The following LRRC69 variants were observed in gnomAD, a reference collection of about 807,000 sequenced individuals.
LRRC69 encodes the protein leucine rich repeat containing 69.
In LRRC69, 42 loss-of-function variants were observed where a neutral mutation model predicts 37.8. The observed-to-expected ratio is 1.11, with a 90% CI of 0.87 to 1.44. The LOEUF is 1.44. LRRC69 is among the 40% of genes most tolerant of loss of function. The pLI is 0.00. For missense variants in LRRC69, 357 were observed against 401.9 expected (o/e 0.89, Z 0.96); for synonymous variants, 141 against 143.1 (o/e 0.99, Z 0.11).
At chr8:91,155,033 TA>T (rs1808808126) in intron 5 of LRRC69, among the ~76,000 whole-genome samples, 1 of 151,630 alleles carries the variant, frequency 6.6e-6, no homozygotes, top group African/African-American at 2.4e-5. Context: ...AGTCTCAGGA[TA>T]GAAAATCAAT....
At chr8:91,192,565 G>A (rs1289078343) in intron 6 of LRRC69, among the ~76,000 whole-genome samples, 2 of 151,656 alleles carry the variant, frequency 1.3e-5, no homozygotes, top group African/African-American at 4.8e-5. Flanking sequence ...GTATCTCATT[G>A]TGGTTTTGAT....
At chr8:91,199,764 A>G (rs1447296051) in intron 6 of LRRC69, among the ~76,000 whole-genome samples, 1 of 152,126 alleles carries the variant, frequency 6.6e-6, no homozygotes, top group Non-Finnish European at 1.5e-5. Context: ...AATGGAGAAA[A>G]TTTAATGGAT....
intron 5 of LRRC69, among the ~76,000 whole-genome samples, chr8:91,153,726 G>A (rs1170147285): frequency 6.6e-6 from 1 of 151,896 alleles, no homozygotes; most frequent in Non-Finnish European, 1.5e-5. Flanking sequence ...TGATAAGAGG[G>A]AAATTATAGT....
chr8:91,206,598 C>G, intron 7 of LRRC69: 1 of 1,082,704 alleles, frequency 9.2e-7, no homozygotes, highest in Non-Finnish European at 1.2e-6. Flanking sequence ...GTTCTGAACA[C>G]CTTAGACAAG....
intron 7 of LRRC69, among the ~76,000 whole-genome samples, chr8:91,201,310 C>G (rs959789821): frequency 3.9e-5 from 6 of 152,134 alleles, no homozygotes; most frequent in Non-Finnish European, 7.3e-5. Flanking sequence ...TCAGCAAACT[C>G]CTTTTTCTCT....
chr8:91,181,801 C>T (rs1359719940), intron 5 of LRRC69, among the ~76,000 whole-genome samples: 3 of 151,902 alleles, frequency 2.0e-5, no homozygotes, highest in Non-Finnish European at 4.4e-5. Flanking sequence ...AGCAATGGTC[C>T]CCATGAGAAG....
chr8:91,145,692 A>C (rs575048941), intron 5 of LRRC69, among the ~76,000 whole-genome samples: 1 of 151,744 alleles, frequency 6.6e-6, no homozygotes, highest in Non-Finnish European at 1.5e-5. Flanking sequence ...GTTTTATGTA[A>C]GTGATGTAAG....
intron 5 of LRRC69, among the ~76,000 whole-genome samples, chr8:91,168,515 C>A (rs575334427): frequency 6.6e-6 from 1 of 151,806 alleles, no homozygotes; most frequent in Non-Finnish European, 1.5e-5. Flanking sequence ...ATCTCTTGCC[C>A]CTTGGTCTTT....
chr8:91,206,062 A>C (rs1490012761), intron 7 of LRRC69, among the ~76,000 whole-genome samples: 2 of 152,240 alleles, frequency 1.3e-5, no homozygotes, highest in Non-Finnish European at 2.9e-5. Context: ...CAAGGAATTT[A>C]AGAACCATTT....
chr8:91,118,350 GCAAAAAAAAAAAAAAAAAAAA>G (rs1563594885), intron 1 of LRRC69: 3 of 20,236 alleles, frequency 1.5e-4, no homozygotes, highest in Non-Finnish European at 2.6e-4. Flanking sequence ...TACTAAAAAT[GCAAAAAAAAAAAAAAAAAAAA>G]AAAAAAAAAA....
At chr8:91,167,035 C>G (rs1364772303) in intron 5 of LRRC69, among the ~76,000 whole-genome samples, 2 of 151,884 alleles carry the variant, frequency 1.3e-5, no homozygotes, top group East Asian at 3.9e-4. Flanking sequence ...TGTGATACTT[C>G]TTCAAAGATT....
At chr8:91,115,384 T>C (rs547823571) in intron 1 of LRRC69, among the ~76,000 whole-genome samples, 8,036 of 152,096 alleles carry the variant, frequency 0.053, 303 homozygotes, top group Middle Eastern at 0.17. Flanking sequence ...TGTGGCTAAC[T>C]GGTAGCTCAT....
chr8:91,128,602 T>C (rs1813758039), intron 3 of LRRC69, among the ~76,000 whole-genome samples: 2 of 152,054 alleles, frequency 1.3e-5, no homozygotes, highest in South Asian at 2.1e-4. Context: ...AAAATGAGGA[T>C]GATGATAGTA....
At chr8:91,134,589 G>C (rs1813872820) in intron 4 of LRRC69, among the ~76,000 whole-genome samples, 1 of 151,704 alleles carries the variant, frequency 6.6e-6, no homozygotes, top group South Asian at 2.1e-4. Flanking sequence ...ATCTCCTCTA[G>C]AAACAACCTC....
At chr8:91,192,053 A>T (rs960874859) in intron 6 of LRRC69, among the ~76,000 whole-genome samples, 15 of 131,266 alleles carry the variant, frequency 1.1e-4, no homozygotes, top group African/African-American at 4.1e-4. Context: ...TGTCCATGTG[A>T]TCTCATTGTT....
chr8:91,186,840 A>T (rs1199533170), intron 5 of LRRC69, among the ~76,000 whole-genome samples: 1 of 152,096 alleles, frequency 6.6e-6, no homozygotes, highest in African/African-American at 2.4e-5. Context: ...GGATGGAAAG[A>T]GAGGTTTCCA....
intron 5 of LRRC69, among the ~76,000 whole-genome samples, chr8:91,141,488 C>T (rs1026684600): frequency 6.6e-6 from 1 of 152,106 alleles, no homozygotes; most frequent in African/African-American, 2.4e-5. Flanking sequence ...CTCTATTTGG[C>T]ATCTGCAAGG....
chr8:91,179,932 A>G lies in LRRC69; in HGVS notation c.652-9590A>G, dbSNP rs1192050399. On this transcript the variant is annotated intron_variant, in intron 5 of 7. Coordinates refer to ENST00000448384, the Ensembl canonical transcript of LRRC69. Reference sequence around the variant, plus strand: ...GAAACTAGGGTTTTCTGTTTCCAACAGAATGTTAAGCTTTTGAAAGCAGGA... The same window carrying G: ...GAAACTAGGGTTTTCTGTTTCCAACGGAATGTTAAGCTTTTGAAAGCAGGA... Among the ~76,000 whole-genome samples the G allele has an allele frequency of 5.9e-5, 9 of 152,328 alleles. 1 individual carries two copies. In the East Asian group the frequency reaches 1.7e-3, roughly 29 times the overall value.
intron 6 of LRRC69, among the ~76,000 whole-genome samples, chr8:91,199,862 C>T (rs1201721523): frequency 6.6e-6 from 1 of 152,104 alleles, no homozygotes; most frequent in East Asian, 1.9e-4. Flanking sequence ...AAGATGATAG[C>T]CCTAATGAAA....
Sources: gnomAD v4.1 joint callset for allele counts (sites outside exome capture counted in the v4.1 genomes callset) on GRCh38, gnomAD v4.1.1 for gene constraint, MANE v1.5 for transcripts, NCBI Gene and HGNC (gene_info 2026-07-23, HGNC 2026-07-21) for gene names.